Variants in MED25 observed in about 807,000 individuals in gnomAD.
The protein encoded by MED25 is mediator of RNA polymerase II transcription subunit 25.
A neutral mutation model predicts 89.4 loss-of-function variants in MED25; 62 were observed. That is an observed-to-expected ratio of 0.69 (90% CI 0.57 to 0.86). MED25 has a LOEUF of 0.86. Among genes scored for constraint, MED25 ranks in the 40% least tolerant of loss-of-function variants. The probability of loss-of-function intolerance (pLI) is 0.00; values close to 1 mark genes in which losing one functional copy is unlikely to be tolerated. For missense variants in MED25, 905 were observed against 1,005.2 expected (o/e 0.90, Z 1.35); for synonymous variants, 449 against 427.9 (o/e 1.05, Z -0.61).
At chr19:49,819,390 T>C (rs373690836) in intron 3 of MED25, 94 bp downstream of exon 3, 34,918 of 432,236 alleles carry the variant, frequency 0.081, 409 homozygotes, top group Non-Finnish European at 0.09. Context: ...CGTGAGAGGC[T>C]GTGAATAAGT....
Position 49,829,093 on chromosome 19 carries a change from G to T in MED25, c.525+3G>T. 6.2e-7 allele frequency: 1 copy of T among 1,613,302 alleles called. No individual in the cohort carries two copies. ...ATCTTGTGCAGCAGATTGGGGAGGT[G>T]AGGACTCCAGGGTCTGAGGGACGAG... On this transcript the variant is annotated splice_donor_region_variant and intron_variant, in intron 5 of 17. Coordinates refer to ENST00000312865, the MANE Select transcript of MED25 (RefSeq NM_030973.4). The surrounding 1 kb of genome is among the most constrained non-coding windows in gnomAD (Gnocchi z 4.6).
Position 49,834,817 on chromosome 19 carries a change from G to C in MED25, c.1483-169G>C, listed in dbSNP as rs2074083772. 1 of 687,520 alleles carries C rather than the reference G, an allele frequency of 1.5e-6. No individual in the cohort carries two copies. Among genetic ancestry groups the C allele is most frequent in the African/African-American group, 1.8e-5 (1 of 56,062 alleles). 42.6% of individuals were successfully genotyped at this position (687,520 alleles called of 1,614,324 possible). ...ACCCTAGCTTGCCCTGAGCGCCTCA[G>C]TTTCTGTCTCCAGAGCAACCCATAG... is the stretch of plus-strand genomic sequence containing the variant. On this transcript the variant is annotated intron_variant, in intron 13 of 17. Coordinates refer to ENST00000312865, the MANE Select transcript of MED25 (RefSeq NM_030973.4). This position sits in a 1 kb window ranked among gnomAD's most constrained non-coding sequence, Gnocchi z 4.1.
downstream of MED25, chr19:49,837,102 CTCCG>C: frequency 1.4e-6 from 1 of 707,406 alleles, no homozygotes; most frequent in East Asian, 2.7e-5. Flanking sequence ...ACGCTGGGGC[CTCCG>C]TGGTGAGTCA....
intron 3 of MED25, among the ~76,000 whole-genome samples, chr19:49,824,467 C>T (rs2074002330): frequency 6.6e-6 from 1 of 152,044 alleles, no homozygotes; most frequent in Non-Finnish European, 1.5e-5. Context: ...CACCTGTAGT[C>T]CCAGCTACTC....
In MED25 at chr19:49,828,520, A is replaced by T. The variant is rs751058652; in HGVS notation, c.377A>T (p.Asp126Val). 1 of 1,614,036 alleles carries T rather than the reference A, an allele frequency of 6.2e-7. No individual in the cohort carries two copies. Among genetic ancestry groups the T allele is most frequent in the Non-Finnish European group, 8.5e-7 (1 of 1,179,938 alleles). The change falls in exon 4 of 18, where the codon GAT (aspartate) becomes GTT (valine). Residue 126 changes from aspartate to valine, a missense_variant. Transcript: ENST00000312865. ...CTCAGCACAGCCTTGCAGCTGTTTG[A>T]TGACTTCAAGAAGATGCGCGAGCAG... ...EGLSTALQLF[D>V]DFKKMREQIG... is the part of the protein sequence containing the mutation.
intron 4 of MED25, 31 bp downstream of exon 4, chr19:49,828,578 GTC>G (rs764112244): frequency 6.5e-7 from 1 of 1,544,312 alleles, no homozygotes; most frequent in East Asian, 2.2e-5. Flanking sequence ...GGCCGGGCCG[GTC>G]TCTCTCTGCC....
chr19:49,824,859 G>T (rs968230372), intron 3 of MED25, among the ~76,000 whole-genome samples: 13 of 152,096 alleles, frequency 8.5e-5, no homozygotes, highest in African/African-American at 3.1e-4. Context: ...ACCTCCTGGG[G>T]CTCCAGGCAC....
Position 49,830,632 on chromosome 19 carries a change from G to A in MED25, c.907+34G>A. 1 of 1,613,088 alleles carries A rather than the reference G, an allele frequency of 6.2e-7. No individual in the cohort carries two copies. The highest frequency in any genetic ancestry group is 8.5e-7 in the Non-Finnish European group (1 of 1,179,064). On this transcript the variant is annotated intron_variant, in intron 8 of 17. Coordinates refer to ENST00000312865, the MANE Select transcript of MED25 (RefSeq NM_030973.4). This position sits in a 1 kb window ranked among gnomAD's most constrained non-coding sequence, Gnocchi z 4.6. ...TGGAGTGAGGATGAAGGGCGGGCAG[G>A]GGCCAGGCAGGCCTCTCTCCACACA... is the stretch of plus-strand genomic sequence containing the variant.
chr19:49,833,188 CT>C (rs1185310100), intron 13 of MED25: 1 of 152,568 alleles, frequency 6.6e-6, no homozygotes, highest in Non-Finnish European at 1.5e-5. Flanking sequence ...CTCACAGCAA[CT>C]TCCGTCTCCT....
At position 49,830,471 on chromosome 19, in the gene MED25, G is replaced by T. The variant is rs369721544; in HGVS notation, c.820-40G>T. The stretch of plus-strand genomic sequence containing the variant: ...GGGATACCAGGACTGGGGGGCCATG[G>T]TCCTCACCAGTCCCTTCCCTTCTTC... On this transcript the variant is annotated intron_variant, in intron 7 of 17. Transcript: ENST00000312865. This position sits in a 1 kb window ranked among gnomAD's most constrained non-coding sequence, Gnocchi z 4.6. 3.8e-6 allele frequency: 6 copies of T among 1,590,568 alleles called. No homozygotes were observed. Among genetic ancestry groups the T allele is most frequent in the African/African-American group, 1.3e-5 (1 of 74,428 alleles).
chr19:49,829,970 C>T lies in MED25; in HGVS notation c.688+22C>T, dbSNP rs751881877. 8.7e-6 allele frequency: 14 copies of T among 1,604,100 alleles called. No individual in the cohort carries two copies. Among genetic ancestry groups the T allele is most frequent in the Middle Eastern group, 1.6e-4 (1 of 6,062 alleles). On this transcript the variant is annotated intron_variant, in intron 6 of 17. Coordinates refer to ENST00000312865, the MANE Select transcript of MED25 (RefSeq NM_030973.4). This position sits in a 1 kb window ranked among gnomAD's most constrained non-coding sequence, Gnocchi z 4.6. ...CCTGGTGAGGCCTGGGCACCGTGCG[C>T]GGGGATGGGGGCTCGACGTGTTTCC...
At position 49,829,583 on chromosome 19, in the gene MED25, T is replaced by C. The variant is rs1002732626; in HGVS notation, c.526-203T>C. Among the ~76,000 whole-genome samples, 4 of 152,300 alleles carry C rather than the reference T, an allele frequency of 2.6e-5. No individual in the cohort carries two copies. The highest frequency in any genetic ancestry group is 2.6e-4 in the Admixed American group (4 of 15,296). On this transcript the variant is annotated intron_variant, in intron 5 of 17. Transcript: ENST00000312865. The surrounding 1 kb of genome is among the most constrained non-coding windows in gnomAD (Gnocchi z 4.6). Reference sequence around the variant, plus strand: ...CGTGAGCCTCCACACCTGGCCCACTTAGTCTTACTGACAAAACTAGAACCC... The same window carrying C: ...CGTGAGCCTCCACACCTGGCCCACTCAGTCTTACTGACAAAACTAGAACCC...
Position 49,834,476 on chromosome 19 carries a change from T to C in MED25, c.1483-510T>C, listed in dbSNP as rs2074081195. ...GCTGAGCCTCAGGCAGGGCTCTTGC[T>C]GTGGATCAGACATCGCATAGTCACA... On this transcript the variant is annotated intron_variant, in intron 13 of 17. Coordinates refer to ENST00000312865, the MANE Select transcript of MED25 (RefSeq NM_030973.4). This position sits in a 1 kb window ranked among gnomAD's most constrained non-coding sequence, Gnocchi z 4.1. 1 of 186,634 alleles carries C rather than the reference T, an allele frequency of 5.4e-6. No individual in the cohort carries two copies. The highest frequency in any genetic ancestry group is 2.3e-5 in the African/African-American group (1 of 42,790). The allele number at this position is 186,634 out of a possible 1,614,324, so 11.6% of individuals were successfully genotyped here.
Position 49,836,076 on chromosome 19 carries a change from G to A in MED25, c.1965+131G>A, listed in dbSNP as rs533786867. ...GGGGACCCGCCCAGGGCTTTAGGCA[G>A]AAGGCAGACCGCCTCCTCTCCGTCC... On this transcript the variant is annotated intron_variant, in intron 16 of 17. Coordinates refer to ENST00000312865, the MANE Select transcript of MED25 (RefSeq NM_030973.4). The surrounding 1 kb of genome is among the most constrained non-coding windows in gnomAD (Gnocchi z 5.1). 6.3e-4 allele frequency: 973 copies of A among 1,534,766 alleles called. No homozygotes were observed. Among genetic ancestry groups the A allele is most frequent in the Admixed American group, 1.2e-3 (62 of 51,422 alleles).
Position 49,830,078 on chromosome 19 carries a change from C to T in MED25, c.689-10C>T. 1 of 1,605,124 alleles carries T rather than the reference C, an allele frequency of 6.2e-7. No individual in the cohort carries two copies. The highest frequency in any genetic ancestry group is 1.1e-5 in the South Asian group (1 of 90,748). On this transcript the variant is annotated splice_polypyrimidine_tract_variant and intron_variant, in intron 6 of 17. Coordinates refer to ENST00000312865, the MANE Select transcript of MED25 (RefSeq NM_030973.4). The surrounding 1 kb of genome is among the most constrained non-coding windows in gnomAD (Gnocchi z 4.6). Reference sequence around the variant, plus strand: ...TTCTCTCTGGGGTTGGCCATCCCTCCTGCTCTCAGTTGGGGGTGGCTCAGC... The same window carrying T: ...TTCTCTCTGGGGTTGGCCATCCCTCTTGCTCTCAGTTGGGGGTGGCTCAGC...
In MED25 at chr19:49,835,325, T is replaced by G; in HGVS notation, c.1674+148T>G. On this transcript the variant is annotated intron_variant, in intron 14 of 17. Transcript: ENST00000312865. This position sits in a 1 kb window ranked among gnomAD's most constrained non-coding sequence, Gnocchi z 6.2. ...AAGTCCCACTCAGATTTTCTTGCAGTCTCTCTCCTTTTTCAGCATCCACAT... is the reference window on the plus strand; with the variant it reads ...AAGTCCCACTCAGATTTTCTTGCAGGCTCTCTCCTTTTTCAGCATCCACAT... 1 of 1,033,904 alleles carries G rather than the reference T, an allele frequency of 9.7e-7. No homozygotes were observed. The highest frequency in any genetic ancestry group is 1.5e-6 in the Non-Finnish European group (1 of 675,804). The allele number at this position is 1,033,904 out of a possible 1,614,324, so 64.0% of individuals were successfully genotyped here.
Position 49,835,326 on chromosome 19 carries a change from C to T in MED25, c.1674+149C>T. 1.9e-6 allele frequency: 2 copies of T among 1,038,506 alleles called. No individual in the cohort carries two copies. The highest frequency in any genetic ancestry group is 2.9e-6 in the Non-Finnish European group (2 of 679,866). The allele number at this position is 1,038,506 out of a possible 1,614,324, so 64.3% of individuals were successfully genotyped here. Reference sequence around the variant, plus strand: ...AGTCCCACTCAGATTTTCTTGCAGTCTCTCTCCTTTTTCAGCATCCACATC... The same window carrying T: ...AGTCCCACTCAGATTTTCTTGCAGTTTCTCTCCTTTTTCAGCATCCACATC... On this transcript the variant is annotated intron_variant, in intron 14 of 17. Transcript: ENST00000312865. The surrounding 1 kb of genome is among the most constrained non-coding windows in gnomAD (Gnocchi z 6.2).
chr19:49,828,362 G>A (rs936300934), intron 3 of MED25, 87 bp from the exon 4 acceptor site: 11 of 904,860 alleles, frequency 1.2e-5, no homozygotes, highest in Non-Finnish European at 1.7e-5. Context: ...GGATAGAGTG[G>A]GGGACAGCAT....
At chr19:49,839,904 T>C (rs1299253046), downstream of MED25, 1 of 152,206 alleles carries the variant, frequency 6.6e-6, no homozygotes, top group East Asian at 1.9e-4. Flanking sequence ...CAGATGTTTC[T>C]TGTGTGAATG....
Sources: allele counts gnomAD v4.1 joint callset (sites outside exome capture counted in the v4.1 genomes callset), GRCh38; gene constraint gnomAD v4.1.1; non-coding constraint Gnocchi (gnomAD v3.1); transcripts MANE v1.5; gene names NCBI Gene and HGNC (gene_info 2026-07-23, HGNC 2026-07-21).